Variants in MAGI1 observed in about 807,000 individuals in gnomAD.
MAGI1 encodes the protein membrane-associated guanylate kinase, WW and PDZ domain-containing protein 1.
In MAGI1, 58 loss-of-function variants were observed where a neutral mutation model predicts 139.9. The observed-to-expected ratio is 0.41, with a 90% confidence interval of 0.34 to 0.52. MAGI1 has a LOEUF of 0.52. MAGI1 is among the 20% of genes least tolerant of loss of function. The probability of loss-of-function intolerance (pLI) is 0.12; values close to 1 mark genes in which losing one functional copy is unlikely to be tolerated. For missense variants in MAGI1, 1,874 were observed against 1,901.6 expected, an observed-to-expected ratio of 0.99 and a Z score of 0.27; for synonymous variants, 812 against 737.9, an observed-to-expected ratio of 1.10 and a Z score of -1.63.
chr3:65,958,604 CA>C (rs2064250039), intron 1 of MAGI1, among the ~76,000 whole-genome samples: 3 of 152,134 alleles, frequency 2.0e-5, no homozygotes, highest in Admixed American at 6.6e-5. Flanking sequence ...ACTTAACTTC[CA>C]AAAGTCGTAC....
At chr3:65,430,597 T>A in intron 11 of MAGI1, 102 bp downstream of exon 11, 1 of 1,237,780 alleles carries the variant, frequency 8.1e-7, no homozygotes, top group East Asian at 2.3e-5. Context: ...AATCATGACG[T>A]TGCTTGGTCT....
At chr3:65,912,671 T>TAATCA (rs1417286378) in intron 1 of MAGI1, among the ~76,000 whole-genome samples, 1 of 152,194 alleles carries the variant, frequency 6.6e-6, no homozygotes, top group Admixed American at 6.5e-5. Context: ...CCAGCTTCCT[T>TAATCA]AATCAAATGT....
intron 1 of MAGI1, among the ~76,000 whole-genome samples, chr3:65,860,036 C>CA (rs1392353418): frequency 2.0e-5 from 3 of 151,876 alleles, no homozygotes; most frequent in Admixed American, 2.0e-4. Flanking sequence ...GCTGGGATTA[C>CA]AGGCACGCAC....
intron 1 of MAGI1, among the ~76,000 whole-genome samples, chr3:65,925,772 T>C (rs1466727382): frequency 1.3e-5 from 2 of 152,162 alleles, no homozygotes; most frequent in South Asian, 2.1e-4. Flanking sequence ...CTCCACCTCC[T>C]GGGCTCAAGC....
chr3:65,813,081 TAC>T (rs1209410875), intron 1 of MAGI1, among the ~76,000 whole-genome samples: 1 of 151,004 alleles, frequency 6.6e-6, no homozygotes, highest in African/African-American at 2.4e-5. Flanking sequence ...AACATAAAAA[TAC>T]ACAGTCACAA....
At chr3:65,559,049 T>C (rs1354084438) in intron 2 of MAGI1, among the ~76,000 whole-genome samples, 1 of 152,114 alleles carries the variant, frequency 6.6e-6, no homozygotes, top group Non-Finnish European at 1.5e-5. Context: ...CTTTTCACAA[T>C]AGGTGAAGTT....
chr3:65,697,095 C>A (rs1172690426), intron 1 of MAGI1, among the ~76,000 whole-genome samples: 6 of 152,150 alleles, frequency 3.9e-5, no homozygotes, highest in Admixed American at 6.5e-5. Context: ...ACTACAAACA[C>A]CTCTACACAA....
rs1280110205 is a variant in MAGI1 at position 65,932,459 on chromosome 3, T to TTTCTTCTTTGGA, written c.313+105525_313+105536dup. ...TTGAGGTATGTGTCTGCCCCCTAGG[T>TTTCTTCTTTGGA]TTCTTCTTTGGAACACAATCCCCTT... On this transcript the variant is annotated intron_variant, in intron 1 of 22. Transcript: ENST00000402939. Among the ~76,000 whole-genome samples, 6 of 152,226 alleles carry TTTCTTCTTTGGA rather than the reference T, an allele frequency of 3.9e-5. No homozygotes were observed. In the East Asian group the frequency reaches 1.2e-3, roughly 29 times the overall value.
At chr3:65,921,863 G>A (rs917718711) in intron 1 of MAGI1, among the ~76,000 whole-genome samples, 3 of 151,440 alleles carry the variant, frequency 2.0e-5, no homozygotes, top group Non-Finnish European at 4.4e-5. Context: ...CCACGATGGC[G>A]CCACTGCACT....
intron 1 of MAGI1, among the ~76,000 whole-genome samples, chr3:65,748,662 AG>A (rs2035894600): frequency 6.6e-6 from 1 of 152,194 alleles, no homozygotes; most frequent in African/African-American, 2.4e-5. Flanking sequence ...ACCAAGTTGT[AG>A]GAAGAGATTT....
chr3:65,429,772 G>A lies in MAGI1; in HGVS notation c.1915C>T (p.Pro639Ser). ...VSLASSIATQ[P>S]ELITVHIVKG... ...ACAATATGAACAGTTATGAGTTCTG[G>A]CTGAGTGGCTATGGAGGAAGCCAAA... Residue 639 changes from proline to serine, a missense_variant, in exon 12 of 23, where the codon CCA (proline) becomes TCA (serine). Transcript: ENST00000402939. 6.2e-7 allele frequency: 1 copy of A among 1,613,970 alleles called. No individual in the cohort carries two copies. The highest frequency in any genetic ancestry group is 8.5e-7 in the Non-Finnish European group (1 of 1,179,970).
chr3:65,687,468 C>A, intron 1 of MAGI1: 1 of 382,478 alleles, frequency 2.6e-6, no homozygotes, highest in South Asian at 2.4e-5. Flanking sequence ...TTCAGTGAGG[C>A]CTTCCTGAAG....
intron 4 of MAGI1, among the ~76,000 whole-genome samples, chr3:65,478,153 G>T (rs1302435711): frequency 6.6e-6 from 1 of 151,710 alleles, no homozygotes; most frequent in African/African-American, 2.4e-5. Context: ...GATGCTGCTG[G>T]CCTTCTATAC....
intron 1 of MAGI1, among the ~76,000 whole-genome samples, chr3:65,689,586 CT>C (rs1312445012): frequency 4.6e-5 from 7 of 152,192 alleles, no homozygotes; most frequent in Non-Finnish European, 1.0e-4. Flanking sequence ...CATCATCCCC[CT>C]AGTGGAGAAG....
intron 1 of MAGI1, among the ~76,000 whole-genome samples, chr3:65,757,021 G>A (rs2036615849): frequency 6.6e-6 from 1 of 152,194 alleles, no homozygotes; most frequent in African/African-American, 2.4e-5. Context: ...AAAACATACT[G>A]CAGAATCTCA....
intron 1 of MAGI1, among the ~76,000 whole-genome samples, chr3:65,880,665 C>T (rs989582128): frequency 3.0e-4 from 45 of 152,030 alleles, no homozygotes; most frequent in African/African-American, 1.1e-3. Flanking sequence ...AAACGGCTGA[C>T]AACTAGATTC....
intron 2 of MAGI1, among the ~76,000 whole-genome samples, chr3:65,550,887 CA>C (rs2079795321): frequency 6.6e-6 from 1 of 152,128 alleles, no homozygotes; most frequent in Non-Finnish European, 1.5e-5. Flanking sequence ...GAGAGGATTG[CA>C]TGGGCCTAGG....
chr3:65,450,159 TA>T (rs1948942505), intron 6 of MAGI1, among the ~76,000 whole-genome samples: 1 of 152,002 alleles, frequency 6.6e-6, no homozygotes, highest in Non-Finnish European at 1.5e-5. Flanking sequence ...AGCAGAGAAA[TA>T]GTGTGAGAAA....
At chr3:65,715,509 T>C (rs913510801) in intron 1 of MAGI1, among the ~76,000 whole-genome samples, 2 of 152,240 alleles carry the variant, frequency 1.3e-5, no homozygotes, top group African/African-American at 4.8e-5. Context: ...GTCTATTTCA[T>C]CTTGACTGCA....
Sources: allele counts gnomAD v4.1 joint callset (sites outside exome capture counted in the v4.1 genomes callset), GRCh38; gene constraint gnomAD v4.1.1; transcripts MANE v1.5; gene names NCBI Gene and HGNC (gene_info 2026-07-23, HGNC 2026-07-21).